EVC2: variants seen among roughly 807,000 people sequenced by gnomAD.
EVC2 encodes the protein limbin.
EVC2 carries 148 observed loss-of-function variants against 149.3 expected under a neutral mutation model. The ratio of observed to expected loss-of-function variants is 0.99; its 90% CI spans 0.87 to 1.14. The LOEUF (loss-of-function observed/expected upper bound fraction) is 1.14. Ranked by LOEUF, EVC2 falls within the 50% of genes most tolerant of loss-of-function variation. EVC2 has a pLI of 0.00. For missense variants in EVC2, 1,854 were observed against 1,627.3 expected (o/e 1.14, Z -2.40); for synonymous variants, 776 against 649.9 (o/e 1.19, Z -2.95).
rs1241196017 is a variant in EVC2 at position 5,696,853 on chromosome 4, C to G, written c.283+740G>C. Reference sequence around the variant, plus strand: ...TCCGCAAAGACAGCCAGGTCCTAACCCCATGAAGCTGTGAATGTTATCTTA... The same window carrying G: ...TCCGCAAAGACAGCCAGGTCCTAACGCCATGAAGCTGTGAATGTTATCTTA... On this transcript the variant is annotated intron_variant, in intron 2 of 21. Transcript: ENST00000344408. This position sits in a 1 kb window ranked among gnomAD's most constrained non-coding sequence, Gnocchi z 4.1. Among the ~76,000 whole-genome samples, 2 of 152,168 alleles carry G rather than the reference C, an allele frequency of 1.3e-5. No individual in the cohort carries two copies. Among genetic ancestry groups the G allele is most frequent in the Non-Finnish European group, 2.9e-5 (2 of 68,034 alleles).
At chr4:5,681,706 T>C (rs2151724513) in intron 6 of EVC2, among the ~76,000 whole-genome samples, 1 of 151,458 alleles carries the variant, frequency 6.6e-6, no homozygotes, top group Non-Finnish European at 1.5e-5. Flanking sequence ...CGTGTTCTTC[T>C]CTCACTCAAA....
intron 2 of EVC2, 99 bp from the exon 3 acceptor site, chr4:5,694,600 T>C: frequency 2.2e-6 from 3 of 1,381,092 alleles, no homozygotes; most frequent in Non-Finnish European, 3.1e-6. Context: ...TGGAAGGTAC[T>C]TAGAAGACGT....
chr4:5,697,489 C>T lies in EVC2; in HGVS notation c.283+104G>A, dbSNP rs186433412. Reference sequence around the variant, plus strand: ...TCTACTTGCCCAAAGTAGAGAGGTGCTGGAAGGATCAGCAGAGAGTGAGGG... The same window carrying T: ...TCTACTTGCCCAAAGTAGAGAGGTGTTGGAAGGATCAGCAGAGAGTGAGGG... On this transcript the variant is annotated intron_variant, in intron 2 of 21. Transcript: ENST00000344408. 74 of 1,165,134 alleles carry T rather than the reference C, an allele frequency of 6.4e-5. No homozygotes were observed. The African/African-American group carries it at 1.0e-3, about 16-fold the overall frequency. 72.2% of individuals were successfully genotyped at this position (1,165,134 alleles called of 1,614,324 possible).
intron 10 of EVC2, among the ~76,000 whole-genome samples, chr4:5,639,802 A>G (rs551480891): frequency 3.9e-4 from 60 of 152,330 alleles, no homozygotes; most frequent in African/African-American, 1.4e-3. Context: ...TTCTCTACCC[A>G]TGAATTCTAC....
intron 15 of EVC2, among the ~76,000 whole-genome samples, chr4:5,616,606 A>C (rs7662980): frequency 1.3e-5 from 2 of 152,110 alleles, no homozygotes; most frequent in Non-Finnish European, 2.9e-5. Flanking sequence ...CCCATTTTAC[A>C]GATGAAAACA....
At chr4:5,674,722 T>C (rs984380287) in intron 7 of EVC2, among the ~76,000 whole-genome samples, 18 of 151,724 alleles carry the variant, frequency 1.2e-4, no homozygotes, top group African/African-American at 2.9e-4. Context: ...CCCCGAGAGA[T>C]GGTTAGCAGG....
At chr4:5,672,358 G>A (rs1052411787) in intron 7 of EVC2, among the ~76,000 whole-genome samples, 1 of 152,232 alleles carries the variant, frequency 6.6e-6, no homozygotes, top group Non-Finnish European at 1.5e-5. Flanking sequence ...AGGGAATCAG[G>A]GGAACAACTA....
chr4:5,548,435 T>C (rs1653374050), intron 21 of EVC2, among the ~76,000 whole-genome samples: 1 of 150,390 alleles, frequency 6.6e-6, no homozygotes, highest in Admixed American at 6.7e-5. Context: ...TTGATGACAT[T>C]GTGGAGCTCT....
intron 16 of EVC2, among the ~76,000 whole-genome samples, chr4:5,597,151 G>C (rs112062638): frequency 5.6e-4 from 85 of 152,266 alleles, no homozygotes; most frequent in African/African-American, 1.9e-3. Context: ...GGAGGAACTG[G>C]TACCATTCCT....
At chr4:5,641,695 C>T (rs1341154477) in intron 9 of EVC2, among the ~76,000 whole-genome samples, 1 of 152,090 alleles carries the variant, frequency 6.6e-6, no homozygotes, top group African/African-American at 2.4e-5. Flanking sequence ...CATCTGAAAA[C>T]AAAGACAAAT....
In EVC2 at chr4:5,563,208, T is replaced by C. The variant is rs1722066035; in HGVS notation, c.3660-93A>G. 7 of 1,259,778 alleles carry C rather than the reference T, an allele frequency of 5.6e-6. No individual in the cohort carries two copies. In the Admixed American group the frequency reaches 1.2e-4, roughly 22 times the overall value. The allele number at this position is 1,259,778 out of a possible 1,614,324, so 78.0% of individuals were successfully genotyped here. A position where few individuals can be genotyped will look rare whatever the true frequency, so the allele number is the denominator to read the frequency against. Reference sequence around the variant, plus strand: ...TCCAAGAGAATCCCTCCTTGGGTCCTGAATTCCCCAACCCAGTGCCATTTT... The same window carrying C: ...TCCAAGAGAATCCCTCCTTGGGTCCCGAATTCCCCAACCCAGTGCCATTTT... On this transcript the variant is annotated intron_variant, in intron 21 of 21. Transcript: ENST00000344408.
At chr4:5,544,889 T>A (rs1353098167) in intron 21 of EVC2, among the ~76,000 whole-genome samples, 4 of 152,038 alleles carry the variant, frequency 2.6e-5, no homozygotes, top group African/African-American at 9.7e-5. Context: ...CCACCCTGGC[T>A]CCCTTAGCTT....
At chr4:5,568,401 G>A in intron 20 of EVC2, 43 bp downstream of exon 20, 2 of 1,532,442 alleles carry the variant, frequency 1.3e-6, no homozygotes, top group Non-Finnish European at 1.7e-6. Flanking sequence ...GACCCTTGTG[G>A]ACAGGGACGT....
rs1186906646 is a variant in EVC2 at position 5,567,473 on chromosome 4, C to T, written c.3557+971G>A. Among the ~76,000 whole-genome samples the T allele has an allele frequency of 6.6e-6, 1 of 152,202 alleles. No homozygotes were observed. Among genetic ancestry groups the T allele is most frequent in the Admixed American group, 6.5e-5 (1 of 15,286 alleles). On this transcript the variant is annotated intron_variant, in intron 20 of 21. Transcript: ENST00000344408. This position sits in a 1 kb window ranked among gnomAD's most constrained non-coding sequence, Gnocchi z 4.4. ...GGCTCCCAGATGCCCTCCTGGCCTC[C>T]TCTGCATCCTTGCTGAGGCTGTGAG...
chr4:5,616,600 T>C (rs1298064854), intron 15 of EVC2, among the ~76,000 whole-genome samples: 1 of 152,170 alleles, frequency 6.6e-6, no homozygotes, highest in African/African-American at 2.4e-5. Flanking sequence ...ATTACACCCA[T>C]TTTACAGATG....
At chr4:5,638,400 A>G (rs919081940) in intron 10 of EVC2, among the ~76,000 whole-genome samples, 1 of 151,738 alleles carries the variant, frequency 6.6e-6, no homozygotes, top group African/African-American at 2.4e-5. Context: ...AAAAACAAAA[A>G]AAAAAAAATT....
chr4:5,616,844 C>A (rs561405214), intron 15 of EVC2, among the ~76,000 whole-genome samples: 1 of 152,278 alleles, frequency 6.6e-6, no homozygotes, highest in South Asian at 2.1e-4. Flanking sequence ...GAGGCAGTGG[C>A]CACAGCCATT....
intron 9 of EVC2, among the ~76,000 whole-genome samples, chr4:5,650,638 T>TATATATATATAG (rs1162935817): frequency 1.1e-4 from 5 of 45,102 alleles, no homozygotes; most frequent in South Asian, 1.1e-3. Context: ...TATATATATA[T>TATATATATATAG]AGAGAGAGAG....
intron 9 of EVC2, among the ~76,000 whole-genome samples, chr4:5,644,241 TTC>T (rs1339893944): frequency 1.3e-5 from 2 of 152,200 alleles, no homozygotes; most frequent in African/African-American, 4.8e-5. Flanking sequence ...TTTGTTTTCC[TTC>T]TTTTTTTGAG....
Sources: gnomAD v4.1 joint callset for allele counts (sites outside exome capture counted in the v4.1 genomes callset) on GRCh38, gnomAD v4.1.1 for gene constraint, Gnocchi (gnomAD v3.1) non-coding constraint, MANE v1.5 for transcripts, NCBI Gene and HGNC (gene_info 2026-07-23, HGNC 2026-07-21) for gene names.